ASIC2: variants seen among roughly 807,000 people sequenced by gnomAD.
ASIC2 encodes acid sensing ion channel subunit 2.
A neutral mutation model predicts 57.3 loss-of-function variants in ASIC2; 25 were observed. That is an observed-to-expected ratio of 0.44 (90% CI 0.32 to 0.61). The LOEUF (loss-of-function observed/expected upper bound fraction) is 0.61. Ranked by LOEUF, ASIC2 falls within the 20% of genes least tolerant of loss-of-function variation. ASIC2 has a pLI of 0.06. For missense variants in ASIC2, 641 were observed against 738.1 expected, an observed-to-expected ratio of 0.87 and a Z score of 1.52; for synonymous variants, 319 against 307.5, an observed-to-expected ratio of 1.04 and a Z score of -0.39.
intron 1 of ASIC2, among the ~76,000 whole-genome samples, chr17:33,998,664 A>C (rs1009577788): frequency 3.3e-5 from 5 of 152,128 alleles, no homozygotes; most frequent in African/African-American, 1.2e-4. Context: ...ATTTCCAAAT[A>C]TTTGTGAATT....
intron 1 of ASIC2, among the ~76,000 whole-genome samples, chr17:33,392,092 T>C (rs916045538): frequency 8.5e-5 from 13 of 152,228 alleles, no homozygotes; most frequent in African/African-American, 2.7e-4. Context: ...CATGCTATCA[T>C]GTGGAACACC....
chr17:34,115,171 C>A (rs887158508), intron 1 of ASIC2, among the ~76,000 whole-genome samples: 1 of 152,176 alleles, frequency 6.6e-6, no homozygotes, highest in Non-Finnish European at 1.5e-5. Flanking sequence ...CATTGCACAC[C>A]GACTATCCAA....
At chr17:34,075,789 A>ACATCCTC (rs1909616001) in intron 1 of ASIC2, among the ~76,000 whole-genome samples, 1 of 148,458 alleles carries the variant, frequency 6.7e-6, no homozygotes, top group Non-Finnish European at 1.5e-5. Flanking sequence ...CTTCCTCCAG[A>ACATCCTC]CATCCTCACC....
chr17:33,069,166 T>G (rs1320013550), intron 3 of ASIC2, among the ~76,000 whole-genome samples: 1 of 152,226 alleles, frequency 6.6e-6, no homozygotes, highest in African/African-American at 2.4e-5. Context: ...TCTGTTATTG[T>G]TTTAACTTAA....
intron 1 of ASIC2, chr17:34,118,359 T>G (rs1357621482): frequency 2.0e-5 from 3 of 152,200 alleles, no homozygotes; most frequent in Admixed American, 1.3e-4. Context: ...TTTTTTCTTT[T>G]TCTTTATTTT....
intron 1 of ASIC2, among the ~76,000 whole-genome samples, chr17:34,040,080 C>T (rs991318752): frequency 4.2e-5 from 6 of 141,878 alleles, no homozygotes; most frequent in Non-Finnish European, 9.1e-5. Context: ...GCACGAAGGC[C>T]GCAGATCCCC....
intron 3 of ASIC2, among the ~76,000 whole-genome samples, chr17:33,032,440 GTTTTTTTTTTTTTTTTT>G (rs60183644): frequency 2.1e-5 from 2 of 94,118 alleles, no homozygotes; most frequent in Non-Finnish European, 4.1e-5. Context: ...ATAATACACT[GTTTTTTTTTTTTTTTTT>G]TTTTTTTTTG....
intron 1 of ASIC2, among the ~76,000 whole-genome samples, chr17:34,056,271 C>T (rs1302773270): frequency 1.3e-5 from 2 of 152,164 alleles, no homozygotes; most frequent in Non-Finnish European, 2.9e-5. Flanking sequence ...TAAGCAGACA[C>T]ATGGAGCCTG....
chr17:33,498,609 C>T lies in ASIC2; in HGVS notation c.556-386542G>A, dbSNP rs1388891332. ...CCAGGCTTGAATGCACGGAGCTGCTCGGGTGAAGACTCAAGGAGCCCTTGC... is the reference window on the plus strand; with the variant it reads ...CCAGGCTTGAATGCACGGAGCTGCTTGGGTGAAGACTCAAGGAGCCCTTGC... On this transcript the variant is annotated intron_variant, in intron 1 of 9. Transcript: ENST00000359872. Among the ~76,000 whole-genome samples the T allele has an allele frequency of 3.3e-5, 5 of 151,792 alleles. No homozygotes were observed. In the South Asian group the frequency reaches 6.3e-4, roughly 19 times the overall value.
chr17:33,388,326 G>T (rs562897550), intron 1 of ASIC2, among the ~76,000 whole-genome samples: 2 of 152,272 alleles, frequency 1.3e-5, no homozygotes, highest in Admixed American at 6.5e-5. Flanking sequence ...TGGACTTTTG[G>T]CTTCCAGAAC....
chr17:33,738,879 A>T (rs1183642734), intron 1 of ASIC2, among the ~76,000 whole-genome samples: 2 of 152,100 alleles, frequency 1.3e-5, no homozygotes, highest in African/African-American at 4.8e-5. Context: ...GAACATCTCC[A>T]TTTCCTTGAT....
intron 1 of ASIC2, among the ~76,000 whole-genome samples, chr17:33,926,182 G>T (rs1253530032): frequency 6.6e-6 from 1 of 152,034 alleles, no homozygotes; most frequent in Non-Finnish European, 1.5e-5. Context: ...CAATTGAGAG[G>T]TCTAAAAATA....
At chr17:33,630,212 C>T (rs943375564) in intron 1 of ASIC2, among the ~76,000 whole-genome samples, 8 of 152,116 alleles carry the variant, frequency 5.3e-5, no homozygotes, top group Non-Finnish European at 1.0e-4. Context: ...GTATCTTCAG[C>T]TTCTTCATCT....
At chr17:33,026,035 G>A in intron 4 of ASIC2, 53 bp from the exon 5 acceptor site, 1 of 1,590,456 alleles carries the variant, frequency 6.3e-7, no homozygotes, top group Non-Finnish European at 8.6e-7. Flanking sequence ...ATTCATGTCA[G>A]CAACACCTCC....
At position 33,381,777 on chromosome 17, in the gene ASIC2, T is replaced by G. The variant is rs143785249; in HGVS notation, c.556-269710A>C. Among the ~76,000 whole-genome samples, 103 of 152,310 alleles carry G rather than the reference T, an allele frequency of 6.8e-4. 1 individual carries two copies. In the East Asian group the frequency reaches 0.018, roughly 27 times the overall value. ...GGTCATGGCAAAGTCAGGCCCAGCC[T>G]CAAATCCCAACTCCTCCATTACTAG... On this transcript the variant is annotated intron_variant, in intron 1 of 9. Transcript: ENST00000359872.
chr17:33,317,844 G>A (rs1163546886), intron 1 of ASIC2, among the ~76,000 whole-genome samples: 3 of 151,778 alleles, frequency 2.0e-5, no homozygotes, highest in African/African-American at 4.8e-5. Context: ...ATTTCAGCTG[G>A]GCTTTTGATT....
chr17:33,494,493 G>C (rs1913864611), intron 1 of ASIC2, among the ~76,000 whole-genome samples: 1 of 152,192 alleles, frequency 6.6e-6, no homozygotes, highest in African/African-American at 2.4e-5. Flanking sequence ...CTTCACACGA[G>C]TATTGAGATA....
At chr17:34,151,246 C>T (rs1904515101) in intron 1 of ASIC2, among the ~76,000 whole-genome samples, 1 of 152,090 alleles carries the variant, frequency 6.6e-6, no homozygotes, top group Non-Finnish European at 1.5e-5. Flanking sequence ...GGGCAGCCCC[C>T]ATATTTAGCA....
chr17:33,807,808 T>G (rs1025206004), intron 1 of ASIC2, among the ~76,000 whole-genome samples: 2 of 152,260 alleles, frequency 1.3e-5, no homozygotes, highest in Admixed American at 1.3e-4. Flanking sequence ...GTGGAGCATA[T>G]TTTTATATGC....
Sources: gnomAD v4.1 joint callset for allele counts (sites outside exome capture counted in the v4.1 genomes callset) on GRCh38, gnomAD v4.1.1 for gene constraint, MANE v1.5 for transcripts, NCBI Gene and HGNC (gene_info 2026-07-23, HGNC 2026-07-21) for gene names.